CCDC91: variants seen among roughly 807,000 people sequenced by gnomAD.
The protein encoded by CCDC91 is coiled-coil domain containing 91.
CCDC91 carries 48 observed loss-of-function variants against 63.2 expected under a neutral mutation model. The observed-to-expected ratio is 0.76, with a 90% CI of 0.60 to 0.97. The LOEUF (loss-of-function observed/expected upper bound fraction) is 0.97. Ranked by LOEUF, CCDC91 falls within the 50% of genes least tolerant of loss-of-function variation. CCDC91 has a pLI of 0.00. For synonymous variants in CCDC91, 167 were observed against 165.8 expected, an observed-to-expected ratio of 1.01 and a Z score of -0.06; for missense variants, 500 against 494.6, an observed-to-expected ratio of 1.01 and a Z score of -0.10.
intron 12 of CCDC91, among the ~76,000 whole-genome samples, chr12:28,485,392 C>G (rs1250784224): frequency 6.6e-6 from 1 of 151,940 alleles, no homozygotes; most frequent in Non-Finnish European, 1.5e-5. Flanking sequence ...TCTTGAACTC[C>G]TGACCTCAAG....
chr12:28,391,396 G>C lies in CCDC91; in HGVS notation c.747G>C (p.Glu249Asp), dbSNP rs756264182. ...AGAAACAGGCACACAAGTGTGAGGA[G>C]TTGCTAAATGCTCAGGTAATAAAAG... ...AIEKQAHKCE[E>D]LLNAQHQRLL... Residue 249 changes from glutamate (E) to aspartate (D), a missense_variant, in exon 8 of 13, where the codon GAG becomes GAC. Glu to Asp is a conservative substitution (Grantham distance 45). Transcript: ENST00000536442. 1.2e-6 allele frequency: 2 copies of C among 1,601,742 alleles called. No individual in the cohort carries two copies. Among genetic ancestry groups the C allele is most frequent in the South Asian group, 1.1e-5 (1 of 90,740 alleles).
intron 1 of CCDC91, among the ~76,000 whole-genome samples, chr12:28,220,436 T>C (rs1211839039): frequency 6.6e-6 from 1 of 152,094 alleles, no homozygotes; most frequent in Non-Finnish European, 1.5e-5. Flanking sequence ...TTCTACATAT[T>C]CTATAAAGCC....
rs142419562 is a variant in CCDC91 at position 28,362,958 on chromosome 12, C to CATAGAT, written c.654+446_654+447insGATATA. ...ATAACAGAAATTATCATGTCAGTAT[C>CATAGAT]ATACAGTAAAACATTAATATTTAAA... On this transcript the variant is annotated intron_variant, in intron 7 of 12. Transcript: ENST00000536442. Among the ~76,000 whole-genome samples, 1,398 of 152,152 alleles carry CATAGAT rather than the reference C, an allele frequency of 9.2e-3. 26 individuals carry two copies. Among genetic ancestry groups the CATAGAT allele is most frequent in the African/African-American group, 0.032 (1,329 of 41,530 alleles).
At chr12:28,280,441 G>T (rs1321202971) in intron 3 of CCDC91, among the ~76,000 whole-genome samples, 1 of 151,956 alleles carries the variant, frequency 6.6e-6, no homozygotes, top group East Asian at 1.9e-4. Context: ...TTTACAACAT[G>T]ACACTAGCTG....
At position 28,460,490 on chromosome 12, in the gene CCDC91, C is replaced by T. The variant is rs182972847; in HGVS notation, c.1101+7836C>T. ...CCAAGTTTTAAAAATGTATGAGGCCCACTTTCAGATGTCTAAATGGGATTA... is the reference window on the plus strand; with the variant it reads ...CCAAGTTTTAAAAATGTATGAGGCCTACTTTCAGATGTCTAAATGGGATTA... On this transcript the variant is annotated intron_variant, in intron 11 of 12. Transcript: ENST00000536442. Among the ~76,000 whole-genome samples the T allele has an allele frequency of 3.6e-3, 549 of 152,108 alleles. 5 individuals carry two copies. The highest frequency in any genetic ancestry group is 6.0e-3 in the Non-Finnish European group (411 of 67,958).
At chr12:28,201,920 G>A (rs1490882554) in intron 1 of CCDC91, among the ~76,000 whole-genome samples, 4 of 151,174 alleles carry the variant, frequency 2.6e-5, no homozygotes, top group East Asian at 3.9e-4. Context: ...AGCAGGCACT[G>A]GGCAGGCTGA....
At chr12:28,476,468 C>T (rs929023586) in intron 11 of CCDC91, among the ~76,000 whole-genome samples, 3 of 152,052 alleles carry the variant, frequency 2.0e-5, no homozygotes, top group African/African-American at 4.8e-5. Flanking sequence ...ACATTTAAAG[C>T]ATTGTGTAGA....
chr12:28,245,209 T>A (rs1945648844), intron 1 of CCDC91, among the ~76,000 whole-genome samples: 1 of 152,150 alleles, frequency 6.6e-6, no homozygotes, highest in South Asian at 2.1e-4. Context: ...ACAGTGTTTA[T>A]GGGTCTGTTT....
At chr12:28,430,865 C>T (rs769941629) in intron 8 of CCDC91, among the ~76,000 whole-genome samples, 7 of 152,078 alleles carry the variant, frequency 4.6e-5, no homozygotes, top group Non-Finnish European at 1.0e-4. Context: ...GGTCTGCTTA[C>T]CTGCAGAGAC....
intron 12 of CCDC91, among the ~76,000 whole-genome samples, chr12:28,546,684 A>G (rs1234777675): frequency 2.0e-5 from 3 of 152,134 alleles, no homozygotes; most frequent in Non-Finnish European, 4.4e-5. Context: ...GCTTTAGAAT[A>G]TTAAAATATC....
Position 28,503,296 on chromosome 12 carries a change from A to G in CCDC91, c.1215+19131A>G, listed in dbSNP as rs537797852. Among the ~76,000 whole-genome samples the G allele has an allele frequency of 5.6e-3, 846 of 152,366 alleles. 8 individuals carry two copies. The highest frequency in any genetic ancestry group is 0.02 in the African/African-American group (821 of 41,588). On this transcript the variant is annotated intron_variant, in intron 12 of 12. Transcript: ENST00000536442. ...GAAGGACATGAACAGTCACTTCTCA[A>G]AAGAAGACATTTATGCAGCCAAAAA...
intron 11 of CCDC91, among the ~76,000 whole-genome samples, chr12:28,472,042 C>G (rs764739244): frequency 6.6e-6 from 1 of 152,154 alleles, no homozygotes; most frequent in Non-Finnish European, 1.5e-5. Context: ...TGAGCCACCA[C>G]GCCCGGCCCA....
intron 3 of CCDC91, among the ~76,000 whole-genome samples, chr12:28,271,073 A>C (rs1947738218): frequency 6.6e-6 from 1 of 152,244 alleles, no homozygotes; most frequent in East Asian, 1.9e-4. Context: ...AAAGGGATAG[A>C]GAGAGTGAGG....
At chr12:28,394,711 G>GCTCTCTCTCT (rs151131648) in intron 8 of CCDC91, among the ~76,000 whole-genome samples, 11 of 136,938 alleles carry the variant, frequency 8.0e-5, no homozygotes, top group South Asian at 7.1e-4. Context: ...TCTGTTTCTT[G>GCTCTCTCTCT]CTCTCTCTCT....
chr12:28,521,490 T>C (rs1398488648), intron 12 of CCDC91, among the ~76,000 whole-genome samples: 2 of 152,196 alleles, frequency 1.3e-5, no homozygotes, highest in Non-Finnish European at 2.9e-5. Context: ...GACGTGGTTT[T>C]CTAGATATAC....
At chr12:28,386,959 A>T (rs1336802889) in intron 7 of CCDC91, among the ~76,000 whole-genome samples, 1 of 152,154 alleles carries the variant, frequency 6.6e-6, no homozygotes, top group Admixed American at 6.5e-5. Flanking sequence ...TTAATGTTGT[A>T]GAAGCTCAAG....
chr12:28,472,895 CT>C (rs1950892020), intron 11 of CCDC91, among the ~76,000 whole-genome samples: 1 of 152,068 alleles, frequency 6.6e-6, no homozygotes, highest in Non-Finnish European at 1.5e-5. Context: ...ATGTCTGGAA[CT>C]TCTGGAACTG....
intron 8 of CCDC91, among the ~76,000 whole-genome samples, chr12:28,411,246 A>G (rs1028932472): frequency 2.0e-5 from 3 of 152,138 alleles, no homozygotes; most frequent in Non-Finnish European, 2.9e-5. Flanking sequence ...TGAAAAAAAA[A>G]AGTATGTTTT....
intron 8 of CCDC91, among the ~76,000 whole-genome samples, chr12:28,421,713 C>T (rs1439136713): frequency 1.3e-5 from 2 of 151,974 alleles, no homozygotes; most frequent in East Asian, 3.9e-4. Flanking sequence ...AACACTGTAA[C>T]ATAGAAATTC....
Sources: allele counts gnomAD v4.1 joint callset (sites outside exome capture counted in the v4.1 genomes callset), GRCh38; gene constraint gnomAD v4.1.1; transcripts MANE v1.5; gene names NCBI Gene and HGNC (gene_info 2026-07-23, HGNC 2026-07-21).